Variants in CSMD2 observed in about 807,000 individuals in gnomAD.
The protein encoded by CSMD2 is CUB and Sushi multiple domains 2.
In CSMD2, 130 loss-of-function variants were observed where a neutral mutation model predicts 398.5. The observed-to-expected ratio is 0.33, with a 90% CI of 0.28 to 0.38. The LOEUF is 0.38. Among genes scored for constraint, CSMD2 ranks in the 10% least tolerant of loss-of-function variants. The pLI, the probability that CSMD2 is intolerant of heterozygous loss-of-function variation, is 1.00. For synonymous variants in CSMD2, 1,828 were observed against 1,908.5 expected, an observed-to-expected ratio of 0.96 and a Z score of 1.10; for missense variants, 3,829 against 4,764.9, an observed-to-expected ratio of 0.80 and a Z score of 5.78.
At chr1:33,790,694 T>TCTATCTAC (rs1458666042) in intron 11 of CSMD2, among the ~76,000 whole-genome samples, 2 of 143,994 alleles carry the variant, frequency 1.4e-5, no homozygotes, top group Non-Finnish European at 3.0e-5. Flanking sequence ...TATCTATCTA[T>TCTATCTAC]CTATCTATCA....
intron 3 of CSMD2, among the ~76,000 whole-genome samples, chr1:33,936,770 C>A (rs1181101126): frequency 1.3e-5 from 2 of 152,194 alleles, no homozygotes; most frequent in East Asian, 3.9e-4. Context: ...TCTGCCTTGT[C>A]CCCCAGAGTT....
rs369547852 is a variant in CSMD2 at position 34,114,362 on chromosome 1, T to TA, written c.188-25170dup. Among the ~76,000 whole-genome samples, 502 of 139,478 alleles carry TA rather than the reference T, an allele frequency of 3.6e-3. 1 individual carries two copies. The highest frequency in any genetic ancestry group is 8.2e-3 in the African/African-American group (313 of 38,110). 91.5% of individuals were successfully genotyped at this position (139,478 alleles called of 152,430 possible). A position where few individuals can be genotyped will look rare whatever the true frequency, so the allele number is the denominator to read the frequency against. On this transcript the variant is annotated intron_variant, in intron 1 of 70. Coordinates refer to ENST00000373381, the MANE Select transcript of CSMD2 (RefSeq NM_001281956.2). The stretch of plus-strand genomic sequence containing the variant: ...CACTAAAAAAATAACAAAGCACACT[T>TA]AAAAAAAAAAAACGAAAAACAAGGC...
At chr1:33,598,408 G>A (rs866418584) in intron 44 of CSMD2, among the ~76,000 whole-genome samples, 2 of 152,186 alleles carry the variant, frequency 1.3e-5, no homozygotes, top group Non-Finnish European at 1.5e-5. Context: ...TGCTCCTGTG[G>A]TCAGTGAAGC....
rs563551191 is a variant in CSMD2, at chr1:34,135,613, T to C, written c.187+29298A>G. ...AGCCTGGCAACAAAGCAAGACTCCA[T>C]CTCAAAAAAAAAAAAAAAAAAAAAA... is the stretch of plus-strand genomic sequence containing the variant. On this transcript the variant is annotated intron_variant, in intron 1 of 70. Coordinates refer to ENST00000373381, the MANE Select transcript of CSMD2 (RefSeq NM_001281956.2). 1.0e-3 allele frequency among the ~76,000 whole-genome samples: 36 copies of C among 34,362 alleles called. 1 individual carries two copies. The highest frequency in any genetic ancestry group is 1.6e-3 in the Non-Finnish European group (31 of 18,860). 22.5% of individuals were successfully genotyped at this position (34,362 alleles called of 152,430 possible). A position where few individuals can be genotyped will look rare whatever the true frequency, so the allele number is the denominator to read the frequency against.
At position 33,605,900 on chromosome 1, in the gene CSMD2, G is replaced by A. The variant is rs758339629; in HGVS notation, c.6344-430C>T. The A allele has an allele frequency of 7.4e-6, 12 of 1,613,900 alleles. No homozygotes were observed. The South Asian group carries it at 7.7e-5, about 10-fold the overall frequency. ...GATCAAGATCCCAGACATAGGAAGC[G>A]GCGACGGGAGGAGTTGAGTTGGTTC... On this transcript the variant is annotated intron_variant, in intron 41 of 70. Coordinates refer to ENST00000373381, the MANE Select transcript of CSMD2 (RefSeq NM_001281956.2).
intron 14 of CSMD2, 43 bp from the exon 15 acceptor site, chr1:33,739,377 G>A: frequency 1.3e-6 from 2 of 1,535,770 alleles, no homozygotes; most frequent in Non-Finnish European, 1.8e-6. Context: ...CATTGCTGGA[G>A]TAGAGAAGAA....
intron 9 of CSMD2, 75 bp from the exon 10 acceptor site, chr1:33,810,939 C>T (rs1484450386): frequency 1.3e-6 from 2 of 1,517,994 alleles, no homozygotes; most frequent in Non-Finnish European, 9.0e-7. Context: ...CACTCCCCAC[C>T]CAGAAGACAC....
At chr1:33,785,504 C>T (rs1376870405) in intron 12 of CSMD2, among the ~76,000 whole-genome samples, 1 of 152,242 alleles carries the variant, frequency 6.6e-6, no homozygotes, top group Admixed American at 6.5e-5. Context: ...CTCTGAGTCT[C>T]AGATTCTTCA....
At chr1:33,718,836 G>T (rs921652337) in intron 19 of CSMD2, among the ~76,000 whole-genome samples, 1 of 152,238 alleles carries the variant, frequency 6.6e-6, no homozygotes, top group South Asian at 2.1e-4. Flanking sequence ...TGTTGATAGA[G>T]GCTGGTGATC....
intron 1 of CSMD2, among the ~76,000 whole-genome samples, chr1:34,154,703 C>A (rs2148565421): frequency 6.7e-6 from 1 of 149,882 alleles, no homozygotes. Flanking sequence ...ACAAACAACC[C>A]TACACATTTT....
At chr1:33,813,337 G>A (rs1372631602) in intron 9 of CSMD2, among the ~76,000 whole-genome samples, 1 of 152,142 alleles carries the variant, frequency 6.6e-6, no homozygotes, top group Non-Finnish European at 1.5e-5. Context: ...TCTGCTATCT[G>A]AGCAAAGTCA....
intron 2 of CSMD2, among the ~76,000 whole-genome samples, chr1:34,071,922 G>C (rs996089726): frequency 6.6e-6 from 1 of 152,234 alleles, no homozygotes; most frequent in African/African-American, 2.4e-5. Context: ...TTCAGAGCTG[G>C]AAGAAGCTTT....
chr1:33,612,574 C>A (rs1048487798), intron 40 of CSMD2, among the ~76,000 whole-genome samples: 1 of 152,098 alleles, frequency 6.6e-6, no homozygotes, highest in Non-Finnish European at 1.5e-5. Context: ...ATAGTTCATT[C>A]ATTTTAACTG....
Position 34,111,982 on chromosome 1 carries a change from T to TTCTC in CSMD2, c.188-22793_188-22790dup, listed in dbSNP as rs6143186. On this transcript the variant is annotated intron_variant, in intron 1 of 70. Coordinates refer to ENST00000373381, the MANE Select transcript of CSMD2 (RefSeq NM_001281956.2). Reference sequence around the variant, plus strand: ...CCTTATTTCAATAAATTCTTTCAAATTCTCTCTCTCTCTCTCTCTCTCTCT... The same window carrying TTCTC: ...CCTTATTTCAATAAATTCTTTCAAATTCTCTCTCTCTCTCTCTCTCTCTCTCTCT... 6.1e-4 allele frequency among the ~76,000 whole-genome samples: 91 copies of TTCTC among 149,800 alleles called. 1 individual carries two copies. The highest frequency in any genetic ancestry group is 2.2e-3 in the Admixed American group (33 of 15,100).
At chr1:33,991,702 C>T (rs1398194434) in intron 3 of CSMD2, among the ~76,000 whole-genome samples, 2 of 152,164 alleles carry the variant, frequency 1.3e-5, no homozygotes, top group African/African-American at 4.8e-5. Flanking sequence ...CAGAAAACAG[C>T]TCTAGGCAGA....
At chr1:33,592,449 C>T (rs777517487) in intron 44 of CSMD2, 94 of 716,382 alleles carry the variant, frequency 1.3e-4, no homozygotes, top group Non-Finnish European at 2.3e-4. Context: ...CAGATGTGTG[C>T]GTGGAGGGGT....
intron 13 of CSMD2, among the ~76,000 whole-genome samples, chr1:33,749,345 C>T (rs1190003248): frequency 4.6e-5 from 7 of 152,010 alleles, no homozygotes; most frequent in African/African-American, 7.2e-5. Flanking sequence ...ATGATCCACC[C>T]GCCTCGGCCT....
intron 44 of CSMD2, among the ~76,000 whole-genome samples, chr1:33,590,745 C>T (rs1370841405): frequency 6.6e-6 from 1 of 152,060 alleles, no homozygotes; most frequent in African/African-American, 2.4e-5. Context: ...TTTGTGAATA[C>T]CCTTCTTCTT....
chr1:33,692,931 C>G lies in CSMD2; in HGVS notation c.4051G>C (p.Gly1351Arg). 1 of 1,609,366 alleles carries G rather than the reference C, an allele frequency of 6.2e-7. No homozygotes were observed. The highest frequency in any genetic ancestry group is 8.5e-7 in the Non-Finnish European group (1 of 1,178,024). Reference sequence around the variant, plus strand: ...TACTTTGTCAGCCCTGACACTTACCCAATGGTGCAGCCGGCCTCTGCTTCG... The same window carrying G: ...TACTTTGTCAGCCCTGACACTTACCGAATGGTGCAGCCGGCCTCTGCTTCG... ...TIEAEAGCTI[G>R]LHFLVFDTEE... Residue 1351 changes from glycine to arginine, a missense_variant and splice_region_variant, in exon 25 of 71, where the codon GGG becomes CGG. This residue lies in a region of CSMD2 where 2,001 missense variants were observed against 2,567.1 expected (regional missense o/e 0.78). Transcript: ENST00000373381.
Sources: allele counts gnomAD v4.1 joint callset (sites outside exome capture counted in the v4.1 genomes callset), GRCh38; gene constraint gnomAD v4.1.1; regional missense constraint gnomAD v4.1.1; transcripts MANE v1.5; gene names NCBI Gene and HGNC (gene_info 2026-07-23, HGNC 2026-07-21).